The following BBX variants were observed in gnomAD, a reference collection of about 807,000 sequenced individuals.
BBX encodes HMG box transcription factor BBX.
BBX carries 30 observed loss-of-function variants against 100.2 expected under a neutral mutation model. The ratio of observed to expected loss-of-function variants is 0.30; its 90% CI spans 0.22 to 0.41. The LOEUF is 0.41. BBX is among the 10% of genes least tolerant of loss of function. The pLI is 1.00. For synonymous variants in BBX, 376 were observed against 388.1 expected (o/e 0.97, Z 0.37); for missense variants, 1,023 against 1,129.8 (o/e 0.91, Z 1.35).
chr3:107,634,353 T>G (rs1474357510), intron 2 of BBX, among the ~76,000 whole-genome samples: 4 of 152,192 alleles, frequency 2.6e-5, no homozygotes, highest in African/African-American at 9.6e-5. Context: ...GTTGTACCAT[T>G]CTCAGCTCTA....
intron 2 of BBX, among the ~76,000 whole-genome samples, chr3:107,605,509 T>G (rs1248061478): frequency 6.6e-6 from 1 of 152,140 alleles, no homozygotes; most frequent in Non-Finnish European, 1.5e-5. Flanking sequence ...AAAGTCAACA[T>G]TCCTAAGGTT....
chr3:107,717,336 A>G (rs979972376), intron 5 of BBX, among the ~76,000 whole-genome samples: 4 of 152,092 alleles, frequency 2.6e-5, no homozygotes, highest in African/African-American at 9.7e-5. Flanking sequence ...CTGCTGCTAA[A>G]TAGCTTTGTG....
chr3:107,698,339 AT>A (rs1353373276), intron 3 of BBX, among the ~76,000 whole-genome samples: 2 of 151,644 alleles, frequency 1.3e-5, no homozygotes, highest in Admixed American at 6.6e-5. Flanking sequence ...TTTAAAAAAA[AT>A]GTATGATTGC....
chr3:107,796,231 G>A (rs1455087955), intron 15 of BBX, among the ~76,000 whole-genome samples: 2 of 152,124 alleles, frequency 1.3e-5, no homozygotes, highest in Non-Finnish European at 2.9e-5. Context: ...TGTGTAAAAA[G>A]CAAGTCATCT....
intron 9 of BBX, among the ~76,000 whole-genome samples, chr3:107,748,321 A>G (rs2064796343): frequency 6.6e-6 from 1 of 152,190 alleles, no homozygotes; most frequent in Non-Finnish European, 1.5e-5. Context: ...AATTTATTTT[A>G]AAAGCTTGGA....
chr3:107,609,264 A>G (rs1191535169), intron 2 of BBX, among the ~76,000 whole-genome samples: 3 of 152,052 alleles, frequency 2.0e-5, no homozygotes, highest in Non-Finnish European at 2.9e-5. Context: ...GATTTTCTTA[A>G]TGTGTTATTG....
At chr3:107,781,836 AT>A (rs912508654) in intron 13 of BBX, among the ~76,000 whole-genome samples, 2 of 152,140 alleles carry the variant, frequency 1.3e-5, no homozygotes, top group Non-Finnish European at 2.9e-5. Flanking sequence ...CCACACTTAC[AT>A]TTTAAGACTA....
chr3:107,645,034 A>G (rs1318865734), intron 2 of BBX, among the ~76,000 whole-genome samples: 1 of 152,194 alleles, frequency 6.6e-6, no homozygotes, highest in Non-Finnish European at 1.5e-5. Flanking sequence ...TGTGTAGCTT[A>G]CAGATTTAGA....
chr3:107,782,048 T>C (rs1240951502), intron 13 of BBX, among the ~76,000 whole-genome samples: 5 of 152,166 alleles, frequency 3.3e-5, no homozygotes, highest in Admixed American at 3.3e-4. Flanking sequence ...GAGTTCTGTA[T>C]CTTTCTCCAT....
intron 2 of BBX, among the ~76,000 whole-genome samples, chr3:107,628,603 C>G (rs189371772): frequency 5.9e-4 from 90 of 151,892 alleles, no homozygotes; most frequent in African/African-American, 1.9e-3. Flanking sequence ...ATTTAAGAAA[C>G]CCTCCAGTTA....
At chr3:107,774,287 T>C (rs1257943311) in intron 11 of BBX, among the ~76,000 whole-genome samples, 1 of 152,190 alleles carries the variant, frequency 6.6e-6, no homozygotes, top group African/African-American at 2.4e-5. Flanking sequence ...CAAGCTATAT[T>C]CCAACAAGAC....
chr3:107,533,831 TC>T (rs986995724), intron 2 of BBX, among the ~76,000 whole-genome samples: 1 of 152,174 alleles, frequency 6.6e-6, no homozygotes, highest in African/African-American at 2.4e-5. Flanking sequence ...CATTTTTTTT[TC>T]CATCTATCAG....
intron 13 of BBX, among the ~76,000 whole-genome samples, chr3:107,779,060 T>C (rs1234227645): frequency 7.0e-6 from 1 of 142,076 alleles, no homozygotes; most frequent in African/African-American, 2.7e-5. Context: ...TTGTTAAATT[T>C]AAAAAATGCT....
intron 10 of BBX, among the ~76,000 whole-genome samples, chr3:107,772,023 G>A (rs1479752187): frequency 6.6e-6 from 1 of 152,062 alleles, no homozygotes; most frequent in Non-Finnish European, 1.5e-5. Context: ...GCTCATTGGA[G>A]CATTTCGGAT....
chr3:107,774,845 A>C lies in BBX; in HGVS notation c.2042A>C (p.Asp681Ala). ...TTCAAGAAGACAAAGCCAAAAGAAGACTGTCTCCTTGGGTAAGTGCCTGTG... is the reference window on the plus strand; with the variant it reads ...TTCAAGAAGACAAAGCCAAAAGAAGCCTGTCTCCTTGGGTAAGTGCCTGTG... The part of the protein sequence containing the change: ...KKFKKTKPKE[D>A]CLLGSAKLDE... Residue 681 changes from aspartate (D) to alanine (A), a missense_variant, in exon 12 of 18, where the codon GAC becomes GCC. By Grantham distance (126) the Asp-to-Ala change is moderately radical. Coordinates refer to ENST00000325805, the MANE Select transcript of BBX (RefSeq NM_001142568.3). 1 of 1,613,036 alleles carries C rather than the reference A, an allele frequency of 6.2e-7. No individual in the cohort carries two copies. Among genetic ancestry groups the C allele is most frequent in the Non-Finnish European group, 8.5e-7 (1 of 1,179,396 alleles).
chr3:107,525,472 C>T (rs1301323257), intron 1 of BBX: 1 of 152,394 alleles, frequency 6.6e-6, no homozygotes, highest in Admixed American at 6.5e-5. Context: ...GTTTAGCAGA[C>T]TTTTACGCCC....
intron 2 of BBX, among the ~76,000 whole-genome samples, chr3:107,534,723 T>C (rs2048377391): frequency 6.6e-6 from 1 of 152,220 alleles, no homozygotes; most frequent in Non-Finnish European, 1.5e-5. Flanking sequence ...CATCCCTACA[T>C]ATGAAAGTGT....
chr3:107,662,080 T>C (rs1173667346), intron 3 of BBX: 3 of 178,200 alleles, frequency 1.7e-5, no homozygotes, highest in African/African-American at 4.8e-5. Context: ...TCTTGCAGGC[T>C]AGACAAACAT....
At chr3:107,586,969 T>G (rs2052897357) in intron 2 of BBX, among the ~76,000 whole-genome samples, 1 of 152,018 alleles carries the variant, frequency 6.6e-6, no homozygotes, top group African/African-American at 2.4e-5. Flanking sequence ...CAGCCTGATC[T>G]CGAACTCCTG....
Sources: gnomAD v4.1 joint callset for allele counts (sites outside exome capture counted in the v4.1 genomes callset) on GRCh38, gnomAD v4.1.1 for gene constraint, MANE v1.5 for transcripts, NCBI Gene and HGNC (gene_info 2026-07-23, HGNC 2026-07-21) for gene names.